Variants in KCNMA1 observed in about 807,000 individuals in gnomAD.
KCNMA1 encodes potassium calcium-activated channel subfamily M alpha 1.
Under a neutral mutation model 140.0 loss-of-function variants are expected in KCNMA1, and 29 were observed. That is an observed-to-expected ratio of 0.21 (90% confidence interval 0.15 to 0.28). The LOEUF (loss-of-function observed/expected upper bound fraction) is 0.28, where lower values mean the gene tolerates loss of function less well. Ranked by LOEUF, KCNMA1 falls within the 10% of genes least tolerant of loss-of-function variation. The pLI is 1.00. For synonymous variants in KCNMA1, 612 were observed against 611.9 expected (o/e 1.00, Z 0.00); for missense variants, 880 against 1,602.2 (o/e 0.55, Z 7.70).
chr10:77,439,159 G>GAAGAA (rs1487030816), intron 1 of KCNMA1, among the ~76,000 whole-genome samples: 6 of 124,924 alleles, frequency 4.8e-5, no homozygotes, highest in Non-Finnish European at 5.4e-5. Flanking sequence ...AAAGAGAAGA[G>GAAGAA]AAGAAAAGAA....
At chr10:77,596,021 A>T (rs1372978319) in intron 1 of KCNMA1, among the ~76,000 whole-genome samples, 1 of 152,226 alleles carries the variant, frequency 6.6e-6, no homozygotes, top group African/African-American at 2.4e-5. Context: ...TGGGCCACAT[A>T]AGAGACTAAT....
At chr10:77,011,319 T>G (rs1172366275) in intron 18 of KCNMA1, among the ~76,000 whole-genome samples, 1 of 152,150 alleles carries the variant, frequency 6.6e-6, no homozygotes, top group Non-Finnish European at 1.5e-5. Flanking sequence ...GCAAACTGCT[T>G]TAGAAGGGAC....
intron 2 of KCNMA1, among the ~76,000 whole-genome samples, chr10:77,283,989 A>G (rs1018263630): frequency 1.3e-5 from 2 of 152,198 alleles, no homozygotes; most frequent in Non-Finnish European, 2.9e-5. Flanking sequence ...GCTGTGGGAA[A>G]GGGATGGGAA....
In KCNMA1 at chr10:77,108,626, G is replaced by C. The variant is rs944950157; in HGVS notation, c.1132-54C>G. On this transcript the variant is annotated intron_variant, in intron 8 of 27. Coordinates refer to ENST00000286628, the MANE Select transcript of KCNMA1 (RefSeq NM_001161352.2). The surrounding 1 kb of genome is among the most constrained non-coding windows in gnomAD (Gnocchi z 4.6). ...TAAAAAGACAGGCCAAAGAAAAGGG[G>C]GGACCTGTTCAGAGGGTGGGGGCAC... 1 of 1,370,358 alleles carries C rather than the reference G, an allele frequency of 7.3e-7. No individual in the cohort carries two copies. The highest frequency in any genetic ancestry group is 1.4e-5 in the African/African-American group (1 of 70,028). The allele number at this position is 1,370,358 out of a possible 1,614,324, so 84.9% of individuals were successfully genotyped here.
At chr10:77,520,174 G>A (rs2052628278) in intron 1 of KCNMA1, among the ~76,000 whole-genome samples, 1 of 31,340 alleles carries the variant, frequency 3.2e-5, no homozygotes, top group African/African-American at 1.2e-4. Context: ...GCAGTGTGAG[G>A]GCTGGGGTAT....
At chr10:77,520,638 T>C (rs1157108418) in intron 1 of KCNMA1, among the ~76,000 whole-genome samples, 1 of 152,006 alleles carries the variant, frequency 6.6e-6, no homozygotes, top group Non-Finnish European at 1.5e-5. Context: ...TCCTCTACCA[T>C]CCATCAGCCA....
chr10:77,090,194 T>G (rs995792581), intron 10 of KCNMA1, among the ~76,000 whole-genome samples: 1 of 152,126 alleles, frequency 6.6e-6, no homozygotes, highest in Admixed American at 6.5e-5. Context: ...CAGACTCTGC[T>G]CTCATCATTG....
intron 1 of KCNMA1, chr10:77,634,078 C>T (rs1746085860): frequency 5.9e-6 from 5 of 850,244 alleles, no homozygotes; most frequent in East Asian, 2.4e-4. Context: ...ACATTTTATA[C>T]ACAAGGAAAG....
intron 14 of KCNMA1, among the ~76,000 whole-genome samples, chr10:77,048,132 AAG>A (rs1565768580): frequency 7.9e-5 from 12 of 151,856 alleles, no homozygotes; most frequent in South Asian, 2.1e-4. Context: ...ATAAATAAAT[AAG>A]AATTACAAAA....
intron 3 of KCNMA1, among the ~76,000 whole-genome samples, chr10:77,189,650 G>A (rs965808761): frequency 2.6e-5 from 4 of 152,148 alleles, no homozygotes; most frequent in South Asian, 2.1e-4. Flanking sequence ...GGGACTGGCT[G>A]AGGAACAAGA....
rs142024679 is a variant in KCNMA1, at chr10:76,959,351, T to C, written c.2361-5427A>G. On this transcript the variant is annotated intron_variant, in intron 20 of 27. Transcript: ENST00000286628. ...CTATTTCCTTAGTGACAGTATACCA[T>C]AGTGGTTAAGCGCCCTGGCTCCAGA... is the stretch of plus-strand genomic sequence containing the variant. Among the ~76,000 whole-genome samples, 36 of 152,368 alleles carry C rather than the reference T, an allele frequency of 2.4e-4. 1 individual carries two copies. The highest frequency in any genetic ancestry group is 7.9e-4 in the African/African-American group (33 of 41,590).
intron 24 of KCNMA1, chr10:76,913,511 G>A (rs1416808797): frequency 2.6e-5 from 4 of 151,694 alleles, no homozygotes; most frequent in African/African-American, 9.7e-5. Flanking sequence ...GTGTTTTTAT[G>A]GCTTCAGAAC....
chr10:76,928,791 A>T (rs980871556), intron 23 of KCNMA1, among the ~76,000 whole-genome samples: 2 of 152,180 alleles, frequency 1.3e-5, no homozygotes, highest in Admixed American at 1.3e-4. Flanking sequence ...TGCCATCTAC[A>T]TAAGAGTTGT....
chr10:77,583,563 T>G (rs182251525), intron 1 of KCNMA1, among the ~76,000 whole-genome samples: 40 of 152,348 alleles, frequency 2.6e-4, no homozygotes, highest in African/African-American at 9.4e-4. Context: ...ACAACAGCAG[T>G]CAGCTTCATG....
chr10:77,518,627 C>A (rs1020635052), intron 1 of KCNMA1, among the ~76,000 whole-genome samples: 1 of 152,148 alleles, frequency 6.6e-6, no homozygotes, highest in African/African-American at 2.4e-5. Context: ...AGGGAGGAGG[C>A]CTGGGTGTGG....
chr10:77,523,208 C>CCG (rs989373574), intron 1 of KCNMA1, among the ~76,000 whole-genome samples: 7 of 149,726 alleles, frequency 4.7e-5, no homozygotes, highest in African/African-American at 1.7e-4. Context: ...GACGTGCCCC[C>CCG]CCCCCTTGCA....
chr10:76,985,058 CA>C (rs1358855557), intron 19 of KCNMA1, among the ~76,000 whole-genome samples: 1 of 152,162 alleles, frequency 6.6e-6, no homozygotes, highest in East Asian at 1.9e-4. Context: ...ATCTGTCTTG[CA>C]ATCTATGCAT....
At chr10:77,467,770 A>G (rs1033987794) in intron 1 of KCNMA1, among the ~76,000 whole-genome samples, 2 of 152,246 alleles carry the variant, frequency 1.3e-5, no homozygotes, top group Non-Finnish European at 2.9e-5. Flanking sequence ...CGAGTTCTAC[A>G]TTCACAGGGA....
At chr10:76,987,510 T>C (rs905874776) in intron 19 of KCNMA1, among the ~76,000 whole-genome samples, 7 of 152,198 alleles carry the variant, frequency 4.6e-5, no homozygotes, top group African/African-American at 1.7e-4. Context: ...AGTTGTAGCC[T>C]GAAAGCAGCC....
Sources: gnomAD v4.1 joint callset for allele counts (sites outside exome capture counted in the v4.1 genomes callset) on GRCh38, gnomAD v4.1.1 for gene constraint, Gnocchi (gnomAD v3.1) non-coding constraint, MANE v1.5 for transcripts, NCBI Gene and HGNC (gene_info 2026-07-23, HGNC 2026-07-21) for gene names.